Variants in SHOX observed in about 807,000 individuals in gnomAD.
SHOX encodes the protein SHOX homeobox.
A neutral mutation model predicts 29.6 loss-of-function variants in SHOX; 12 were observed. The observed-to-expected ratio is 0.41, with a 90% CI of 0.26 to 0.66. The LOEUF is 0.66. SHOX is among the 30% of genes least tolerant of loss of function. The probability of loss-of-function intolerance (pLI) is 0.35; values close to 1 mark genes in which losing one functional copy is unlikely to be tolerated. For synonymous variants in SHOX, 214 were observed against 200.6 expected (o/e 1.07, Z -0.57); for missense variants, 499 against 437.7 (o/e 1.14, Z -1.25).
intron 1 of SHOX, among the ~76,000 whole-genome samples, chrX:633,171 G>A (rs2052679463): frequency 1.3e-5 from 2 of 152,122 alleles, no homozygotes; most frequent in South Asian, 4.2e-4. Context: ...TTGGAGGGCA[G>A]GGGAGAGTCT....
downstream of SHOX, among the ~76,000 whole-genome samples, chrX:651,718 G>C (rs2053067958): frequency 6.6e-6 from 1 of 150,714 alleles, no homozygotes; most frequent in Non-Finnish European, 1.5e-5. Flanking sequence ...TGCATTTCCA[G>C]GGTGGGTACC....
At chrX:633,680 G>A (rs1206861545) in intron 1 of SHOX, among the ~76,000 whole-genome samples, 1 of 152,002 alleles carries the variant, frequency 6.6e-6, no homozygotes, top group Non-Finnish European at 1.5e-5. Flanking sequence ...TGACAGCAAG[G>A]GACATCTCAT....
rs1368807582 is a variant in SHOX at position 651,488 on chromosome X, G to A, written c.*6852G>A. On this transcript the variant is annotated 3_prime_UTR_variant, in exon 5 of 5. Transcript: ENST00000686671. The stretch of plus-strand genomic sequence containing the variant: ...TCTCCTAACGTTCAATAATCTCAAT[G>A]TTGAGTTGCAGCAACAGACTGTATT... 3 of 437,392 alleles carry A rather than the reference G, an allele frequency of 6.9e-6. No homozygotes were observed. Among genetic ancestry groups the A allele is most frequent in the South Asian group, 3.3e-5 (2 of 60,826 alleles). 27.1% of individuals were successfully genotyped at this position (437,392 alleles called of 1,614,324 possible).
In SHOX at chrX:636,392, T is replaced by C. The variant is rs868045498; in HGVS notation, c.486+1566T>C. Among the ~76,000 whole-genome samples the C allele has an allele frequency of 6.9e-5, 8 of 115,186 alleles. No homozygotes were observed. In the East Asian group the frequency reaches 1.8e-3, roughly 26 times the overall value. 75.6% of individuals were successfully genotyped at this position (115,186 alleles called of 152,430 possible). A position where few individuals can be genotyped will look rare whatever the true frequency, so the allele number is the denominator to read the frequency against. ...TATATACAAACATATTGTATATATATAAATATATATAAAAACATATATATA... is the reference window on the plus strand; with the variant it reads ...TATATACAAACATATTGTATATATACAAATATATATAAAAACATATATATA... On this transcript the variant is annotated intron_variant, in intron 2 of 4. Coordinates refer to ENST00000686671, the MANE Select transcript of SHOX (RefSeq NM_000451.4).
upstream of SHOX, among the ~76,000 whole-genome samples, chrX:625,856 C>A (rs375720327): frequency 7.3e-6 from 1 of 136,994 alleles, no homozygotes; most frequent in African/African-American, 2.7e-5. Flanking sequence ...GTCTCTGTAT[C>A]TCTGTCTATC....
chrX:655,140 G>T (rs139959949), downstream of SHOX, among the ~76,000 whole-genome samples: 3,189 of 151,660 alleles, frequency 0.021, 112 homozygotes, highest in African/African-American at 0.071. Context: ...ATGGAGTCTT[G>T]CTCTGTCACC....
At chrX:655,417 C>T (rs1422431807), downstream of SHOX, among the ~76,000 whole-genome samples, 2 of 151,688 alleles carry the variant, frequency 1.3e-5, no homozygotes, top group Non-Finnish European at 2.9e-5. Flanking sequence ...CCAGCCTCAG[C>T]AACAAAGTGA....
chrX:644,784 G>A lies in SHOX; in HGVS notation c.*148G>A. 8.9e-7 allele frequency: 1 copy of A among 1,125,496 alleles called. No individual in the cohort carries two copies. Among genetic ancestry groups the A allele is most frequent in the South Asian group, 2.2e-5 (1 of 46,160 alleles). 69.7% of individuals were successfully genotyped at this position (1,125,496 alleles called of 1,614,324 possible). A position where few individuals can be genotyped will look rare whatever the true frequency, so the allele number is the denominator to read the frequency against. On this transcript the variant is annotated 3_prime_UTR_variant, in exon 5 of 5. Coordinates refer to ENST00000686671, the MANE Select transcript of SHOX (RefSeq NM_000451.4). ...GGAGCTCCTGCAAGAGGCCTGAGGA[G>A]GGAGGCTCCCGGGACCGTCCACGCA...
intron 1 of SHOX, 83 bp downstream of exon 1, chrX:631,257 C>G: frequency 6.5e-7 from 1 of 1,529,208 alleles, no homozygotes; most frequent in South Asian, 1.1e-5. Flanking sequence ...CCGCGCGCCC[C>G]TCGCTGTGCA....
chrX:653,653 A>G (rs2053099108), downstream of SHOX, among the ~76,000 whole-genome samples: 3 of 152,026 alleles, frequency 2.0e-5, no homozygotes. Context: ...TTTCACACGG[A>G]CACGGTTTCA....
At chrX:633,859 A>G (rs2052691204) in intron 1 of SHOX, among the ~76,000 whole-genome samples, 1 of 152,158 alleles carries the variant, frequency 6.6e-6, no homozygotes, top group East Asian at 1.9e-4. Flanking sequence ...ATGAGGAAGA[A>G]AAGGTTTTTC....
At chrX:643,998 G>T (rs188358296) in intron 4 of SHOX, among the ~76,000 whole-genome samples, 1 of 60,600 alleles carries the variant, frequency 1.7e-5, no homozygotes, top group Non-Finnish European at 3.8e-5. Context: ...CTGGGGACCC[G>T]GGAGAGGCTT....
At chrX:636,400 T>C (rs2052753050) in intron 2 of SHOX, among the ~76,000 whole-genome samples, 1 of 136,938 alleles carries the variant, frequency 7.3e-6, no homozygotes, top group Admixed American at 7.5e-5. Context: ...TATAAATATA[T>C]ATAAAAACAT....
chrX:650,201 G>A lies in SHOX; in HGVS notation c.*5565G>A, dbSNP rs1323661433. ...TCTGTGCCTCTGTACGATTTAGAGC[G>A]TAACTGACCGCGTCCAACACCCGTT... On this transcript the variant is annotated 3_prime_UTR_variant, in exon 5 of 5. Transcript: ENST00000686671. 2.6e-5 allele frequency among the ~76,000 whole-genome samples: 4 copies of A among 152,202 alleles called. No individual in the cohort carries two copies. The highest frequency in any genetic ancestry group is 2.1e-4 in the South Asian group (1 of 4,834).
chrX:642,117 G>A lies in SHOX; in HGVS notation c.633+1030G>A, dbSNP rs1370065298. Among the ~76,000 whole-genome samples the A allele has an allele frequency of 2.0e-5, 3 of 152,342 alleles. No homozygotes were observed. In the East Asian group the frequency reaches 5.8e-4, roughly 29 times the overall value. On this transcript the variant is annotated intron_variant, in intron 4 of 4. Coordinates refer to ENST00000686671, the MANE Select transcript of SHOX (RefSeq NM_000451.4). ...GCCCCCGCCCTGCCCTGGCTTAGTG[G>A]TGGGGATGGGATGGGGGGAAGCGGG... is the stretch of plus-strand genomic sequence containing the variant.
chrX:637,641 G>C (rs770001025), intron 2 of SHOX, among the ~76,000 whole-genome samples: 1 of 152,126 alleles, frequency 6.6e-6, no homozygotes, highest in Non-Finnish European at 1.5e-5. Context: ...GGATCCTATA[G>C]TAAAGGCGAG....
At chrX:644,287 C>A in intron 4 of SHOX, 104 bp from the exon 5 acceptor site, 1 of 1,373,396 alleles carries the variant, frequency 7.3e-7, no homozygotes, top group Non-Finnish European at 9.5e-7. Flanking sequence ...GGGCGACGCT[C>A]CCTAGGGGAG....
Position 644,942 on chromosome X carries a change from C to T in SHOX, c.*306C>T. The T allele has an allele frequency of 2.4e-6, 1 of 408,442 alleles. No individual in the cohort carries two copies. The highest frequency in any genetic ancestry group is 4.7e-5 in the Admixed American group (1 of 21,260). 25.3% of individuals were successfully genotyped at this position (408,442 alleles called of 1,614,324 possible). A position where few individuals can be genotyped will look rare whatever the true frequency, so the allele number is the denominator to read the frequency against. On this transcript the variant is annotated 3_prime_UTR_variant, in exon 5 of 5. Transcript: ENST00000686671. The stretch of plus-strand genomic sequence containing the variant: ...AGAAGGGTAAACCCCCGCCTGGCTG[C>T]GTCTTCCTCTGCTATACCCTATGCA...
downstream of SHOX, among the ~76,000 whole-genome samples, chrX:653,772 T>G (rs927940578): frequency 6.6e-6 from 1 of 152,220 alleles, no homozygotes; most frequent in African/African-American, 2.4e-5. Context: ...TAACATGTCC[T>G]TCTGTTTCTG....
Sources: allele counts gnomAD v4.1 joint callset (sites outside exome capture counted in the v4.1 genomes callset), GRCh38; gene constraint gnomAD v4.1.1; transcripts MANE v1.5; gene names NCBI Gene and HGNC (gene_info 2026-07-23, HGNC 2026-07-21).